WDPCP: variants seen among roughly 807,000 people sequenced by gnomAD.
WDPCP encodes the protein WD repeat-containing and planar cell polarity effector protein fritz homolog.
WDPCP carries 71 observed loss-of-function variants against 93.1 expected under a neutral mutation model. The ratio of observed to expected loss-of-function variants is 0.76; its 90% confidence interval spans 0.63 to 0.93. The LOEUF is 0.93. WDPCP is among the 40% of genes least tolerant of loss of function. WDPCP has a pLI of 0.00. For synonymous variants in WDPCP, 315 were observed against 315.0 expected (o/e 1.00, Z 0.00); for missense variants, 844 against 887.4 (o/e 0.95, Z 0.62).
chr2:63,794,492 A>G (rs1278952398), intron 2 of WDPCP, among the ~76,000 whole-genome samples: 1 of 152,008 alleles, frequency 6.6e-6, no homozygotes, highest in Non-Finnish European at 1.5e-5. Context: ...AAGTTTCCTC[A>G]CTCTTAAAAA....
intron 2 of WDPCP, among the ~76,000 whole-genome samples, chr2:63,737,828 C>A (rs1669659791): frequency 6.6e-6 from 1 of 152,088 alleles, no homozygotes; most frequent in South Asian, 2.1e-4. Context: ...TTGGGAGTTA[C>A]AAATTGGCAG....
chr2:63,603,004 G>A (rs1042392837), intron 3 of WDPCP, among the ~76,000 whole-genome samples: 8 of 120,750 alleles, frequency 6.6e-5, no homozygotes, highest in Admixed American at 6.5e-4. Flanking sequence ...CTGTCGCCTA[G>A]GCTGGAGTGC....
At chr2:63,829,046 C>T (rs766905587), upstream of WDPCP, among the ~76,000 whole-genome samples, 3 of 151,882 alleles carry the variant, frequency 2.0e-5, no homozygotes, top group Non-Finnish European at 2.9e-5. Context: ...AAGTAATACA[C>T]GAGTTTAAAA....
chr2:63,121,038 G>C lies in WDPCP; in HGVS notation c.*968C>G, dbSNP rs1199944216. Among the ~76,000 whole-genome samples the C allele has an allele frequency of 6.6e-6, 1 of 151,942 alleles. No individual in the cohort carries two copies. Among genetic ancestry groups the C allele is most frequent in the Non-Finnish European group, 1.5e-5 (1 of 67,992 alleles). The stretch of plus-strand genomic sequence containing the variant: ...TCGGCATTTTTTTCTTTTCTTCATG[G>C]ATTCTCTGAGCCCTATTCCTATAGA... On this transcript the variant is annotated 3_prime_UTR_variant, in exon 18 of 18. Transcript: ENST00000272321.
intron 12 of WDPCP, among the ~76,000 whole-genome samples, chr2:63,347,260 AG>A (rs2104513403): frequency 6.6e-6 from 1 of 152,354 alleles, no homozygotes; most frequent in African/African-American, 2.4e-5. Flanking sequence ...AAGAGTTGCC[AG>A]GTGAAACACA....
intron 14 of WDPCP, among the ~76,000 whole-genome samples, chr2:63,182,998 A>C (rs1334788263): frequency 6.7e-6 from 1 of 149,982 alleles, no homozygotes; most frequent in Admixed American, 6.6e-5. Context: ...TCTCCTTTTA[A>C]ATTTCTGATT....
intron 14 of WDPCP, among the ~76,000 whole-genome samples, chr2:63,207,692 A>C (rs780747164): frequency 6.6e-6 from 1 of 152,138 alleles, no homozygotes; most frequent in Admixed American, 6.5e-5. Context: ...ATTTCATTAG[A>C]ATATGTCTTG....
At chr2:63,569,256 A>C (rs566519782) in intron 1 of WDPCP, among the ~76,000 whole-genome samples, 97 of 152,350 alleles carry the variant, frequency 6.4e-4, no homozygotes, top group Non-Finnish European at 1.0e-3. Context: ...TCTATGAAGA[A>C]AACCAAGAGA....
rs1673668211 is a variant in WDPCP, at chr2:63,174,693, T to G, written c.2055A>C (p.Arg685Ser). ...CPTHRHILQQ[R>S]ILNGSSNRQI... is the part of the protein sequence containing the mutation. ...ACCTGTTAGAAGAGCCATTCAGTATTCTTTGTTGTAAAATATGTCTGTGGG... is the reference window on the plus strand; with the variant it reads ...ACCTGTTAGAAGAGCCATTCAGTATGCTTTGTTGTAAAATATGTCTGTGGG... The change falls in exon 15 of 18, where the codon AGA (arginine) becomes AGC (serine). Residue 685 changes from arginine (R) to serine (S), a missense_variant. Physicochemically the swap from Arg to Ser is moderately radical, Grantham distance 110 (BLOSUM62 -1). Coordinates refer to ENST00000272321, the MANE Select transcript of WDPCP (RefSeq NM_015910.7). 6.2e-7 allele frequency: 1 copy of G among 1,613,844 alleles called. No individual in the cohort carries two copies. The highest frequency in any genetic ancestry group is 1.3e-5 in the African/African-American group (1 of 74,908).
intron 2 of WDPCP, among the ~76,000 whole-genome samples, chr2:63,690,750 A>G (rs920794487): frequency 6.6e-6 from 1 of 152,168 alleles, no homozygotes; most frequent in Non-Finnish European, 1.5e-5. Flanking sequence ...TCGAGAAAAC[A>G]AAACAAAACA....
chr2:63,428,131 G>C (rs1408673698), intron 9 of WDPCP, among the ~76,000 whole-genome samples: 3 of 150,088 alleles, frequency 2.0e-5, no homozygotes, highest in Non-Finnish European at 3.0e-5. Context: ...ATTCACAGCC[G>C]AATTCTACCA....
At chr2:63,571,925 A>G (rs896223068) in intron 1 of WDPCP, among the ~76,000 whole-genome samples, 10 of 152,324 alleles carry the variant, frequency 6.6e-5, no homozygotes, top group African/African-American at 2.4e-4. Context: ...GATAATGATC[A>G]TCTGCCCAGA....
intron 17 of WDPCP, among the ~76,000 whole-genome samples, chr2:63,147,446 A>G (rs1671593274): frequency 6.6e-6 from 1 of 152,204 alleles, no homozygotes. Context: ...GGTTATAGAG[A>G]ATCAAGAACG....
intron 14 of WDPCP, among the ~76,000 whole-genome samples, chr2:63,252,775 A>G (rs1290936931): frequency 6.6e-6 from 1 of 152,186 alleles, no homozygotes; most frequent in Non-Finnish European, 1.5e-5. Flanking sequence ...ACACCAACAA[A>G]TGGAAAAACT....
chr2:63,383,336 A>G (rs1225062352), intron 10 of WDPCP, among the ~76,000 whole-genome samples: 4 of 152,142 alleles, frequency 2.6e-5, no homozygotes, highest in Non-Finnish European at 5.9e-5. Context: ...GAAAGATAAC[A>G]ATCCTTAAAT....
intron 2 of WDPCP, among the ~76,000 whole-genome samples, chr2:63,699,712 T>C (rs1669016534): frequency 6.6e-6 from 1 of 152,180 alleles, no homozygotes; most frequent in South Asian, 2.1e-4. Flanking sequence ...AGGTATCCCA[T>C]AGCCAGGGCA....
intron 14 of WDPCP, among the ~76,000 whole-genome samples, chr2:63,243,312 T>C (rs143242458): frequency 7.1e-4 from 108 of 152,306 alleles, no homozygotes; most frequent in South Asian, 2.5e-3. Context: ...TTTTTTCATG[T>C]TTCTTGGGGG....
rs557149189 is a variant in WDPCP at position 63,158,764 on chromosome 2, C to T, written c.2079-5190G>A. 3.9e-5 allele frequency among the ~76,000 whole-genome samples: 6 copies of T among 151,992 alleles called. No homozygotes were observed. In the East Asian group the frequency reaches 9.7e-4, roughly 24 times the overall value. ...TTCTTTGTTGTTCATTGGATACTTTCAATTGATCTGTCTTCAAGTTCATTG... is the reference window on the plus strand; with the variant it reads ...TTCTTTGTTGTTCATTGGATACTTTTAATTGATCTGTCTTCAAGTTCATTG... On this transcript the variant is annotated intron_variant, in intron 15 of 17. Coordinates refer to ENST00000272321, the MANE Select transcript of WDPCP (RefSeq NM_015910.7).
chr2:63,724,150 A>G (rs1314759412), intron 2 of WDPCP, among the ~76,000 whole-genome samples: 1 of 152,250 alleles, frequency 6.6e-6, no homozygotes, highest in Non-Finnish European at 1.5e-5. Context: ...AATGATAAAT[A>G]TTTAGTTTGA....
Sources: allele counts gnomAD v4.1 joint callset (sites outside exome capture counted in the v4.1 genomes callset), GRCh38; gene constraint gnomAD v4.1.1; transcripts MANE v1.5; gene names NCBI Gene and HGNC (gene_info 2026-07-23, HGNC 2026-07-21).